HYOU1: variants seen among roughly 807,000 people sequenced by gnomAD.
The protein encoded by HYOU1 is hypoxia up-regulated protein 1.
In HYOU1, 40 loss-of-function variants were observed where a neutral mutation model predicts 120.5. That is an observed-to-expected ratio of 0.33 (90% CI 0.26 to 0.43). The LOEUF is 0.43. Ranked by LOEUF, HYOU1 falls within the 20% of genes least tolerant of loss-of-function variation. The probability of loss-of-function intolerance (pLI) is 1.00; values close to 1 mark genes in which losing one functional copy is unlikely to be tolerated. For missense variants in HYOU1, 1,085 were observed against 1,278.3 expected, an observed-to-expected ratio of 0.85 and a Z score of 2.31; for synonymous variants, 501 against 479.4, an observed-to-expected ratio of 1.05 and a Z score of -0.59.
rs782051553 is a variant in HYOU1 at position 119,045,478 on chromosome 11, G to T, written c.*115C>A. On this transcript the variant is annotated 3_prime_UTR_variant, in exon 26 of 26. Transcript: ENST00000617285. Reference sequence around the variant, plus strand: ...CTCCACACCTCCAAATCACAGGGGTGAGAAAGGAACTCCAGCCGAGGGCAG... The same window carrying T: ...CTCCACACCTCCAAATCACAGGGGTTAGAAAGGAACTCCAGCCGAGGGCAG... 7 of 908,954 alleles carry T rather than the reference G, an allele frequency of 7.7e-6. No homozygotes were observed. Among genetic ancestry groups the T allele is most frequent in the Non-Finnish European group, 1.3e-5 (7 of 544,222 alleles). The allele number at this position is 908,954 out of a possible 1,614,324, so 56.3% of individuals were successfully genotyped here. A position where few individuals can be genotyped will look rare whatever the true frequency, so the allele number is the denominator to read the frequency against.
intron 22 of HYOU1, chr11:119,047,223 A>G (rs1944136878): frequency 1.0e-5 from 2 of 192,500 alleles, no homozygotes; most frequent in Admixed American, 1.1e-4. Flanking sequence ...TAATTTCTGT[A>G]TATTTAGTAG....
Position 119,055,739 on chromosome 11 carries a change from G to A in HYOU1, c.185+11C>T. On this transcript the variant is annotated intron_variant, in intron 3 of 25. Coordinates refer to ENST00000617285, the MANE Select transcript of HYOU1 (RefSeq NM_006389.5). The surrounding 1 kb of genome is among the most constrained non-coding windows in gnomAD (Gnocchi z 4.0). The stretch of plus-strand genomic sequence containing the variant: ...CTCGTTCCCCACCCTTAACACGGGG[G>A]CCACCCTCACTTATTCAAGACAATT... 1.2e-6 allele frequency: 2 copies of A among 1,610,012 alleles called. No individual in the cohort carries two copies. The highest frequency in any genetic ancestry group is 1.7e-6 in the Non-Finnish European group (2 of 1,176,316).
Position 119,052,546 on chromosome 11 carries a change from C to T in HYOU1, c.987+91G>A. 2.5e-6 allele frequency: 4 copies of T among 1,572,714 alleles called. No individual in the cohort carries two copies. The highest frequency in any genetic ancestry group is 1.3e-5 in the African/African-American group (1 of 74,326). On this transcript the variant is annotated intron_variant, in intron 9 of 25. Coordinates refer to ENST00000617285, the MANE Select transcript of HYOU1 (RefSeq NM_006389.5). The surrounding 1 kb of genome is among the most constrained non-coding windows in gnomAD (Gnocchi z 5.0). ...GGATGGTAGCGGGAGGAGCATGGGC[C>T]ATGCCAGGCACGAGCAGCCCAGTTC...
chr11:119,055,122 A>G lies in HYOU1; in HGVS notation c.420-62T>C. ...CAGGCATTAAGGCAGGACAATCAGG[A>G]ACACACACCAATGAGGAGCCCAGCA... On this transcript the variant is annotated intron_variant, in intron 5 of 25. Transcript: ENST00000617285. This position sits in a 1 kb window ranked among gnomAD's most constrained non-coding sequence, Gnocchi z 4.0. The G allele has an allele frequency of 6.2e-7, 1 of 1,613,336 alleles. No homozygotes were observed. The highest frequency in any genetic ancestry group is 8.5e-7 in the Non-Finnish European group (1 of 1,179,462).
chr11:119,051,427 CT>C lies in HYOU1; in HGVS notation c.1526+10del, dbSNP rs2133584925. The C allele has an allele frequency of 1.9e-6, 3 of 1,613,772 alleles. No homozygotes were observed. The highest frequency in any genetic ancestry group is 1.1e-5 in the South Asian group (1 of 91,056). The stretch of plus-strand genomic sequence containing the variant: ...TCCCTGGAGCTCCCATCCTACACCC[CT>C]GCCCCTCACCGAAGATCTTCAGGCC... On this transcript the variant is annotated intron_variant, in intron 13 of 25. Coordinates refer to ENST00000617285, the MANE Select transcript of HYOU1 (RefSeq NM_006389.5). This position sits in a 1 kb window ranked among gnomAD's most constrained non-coding sequence, Gnocchi z 4.2.
rs1308451267 is a variant in HYOU1, at chr11:119,056,054, C to A, written c.91+16G>T. 1.2e-6 allele frequency: 2 copies of A among 1,607,820 alleles called. No homozygotes were observed. The highest frequency in any genetic ancestry group is 1.7e-6 in the Non-Finnish European group (2 of 1,174,438). ...GTCATCATTTATCCATTTGCTCCCTCTACTGGGGTACATACCACTCAGTGC... is the reference window on the plus strand; with the variant it reads ...GTCATCATTTATCCATTTGCTCCCTATACTGGGGTACATACCACTCAGTGC... On this transcript the variant is annotated intron_variant, in intron 2 of 25. Transcript: ENST00000617285.
chr11:119,045,684 C>A, intron 25 of HYOU1, 30 bp from the exon 26 acceptor site: 2 of 1,613,862 alleles, frequency 1.2e-6, no homozygotes, highest in Non-Finnish European at 1.7e-6. Context: ...GCAAAGGAAT[C>A]ACCGCAGGTG....
Position 119,045,641 on chromosome 11 carries a change from T to C in HYOU1, c.2952A>G (p.Lys984=). 6.2e-7 allele frequency: 1 copy of C among 1,614,248 alleles called. No homozygotes were observed. Among genetic ancestry groups the C allele is most frequent in the Non-Finnish European group, 8.5e-7 (1 of 1,180,044 alleles). ...LGGPGAEPEQ[K]EQSTGQKRPL... is the part of the protein sequence containing the mutation. Reference sequence around the variant, plus strand: ...GCCGCTTCTGTCCTGTCGATTGTTCTTTCTGTTCAGGTTCTGTTGGGAGTT... The same window carrying C: ...GCCGCTTCTGTCCTGTCGATTGTTCCTTCTGTTCAGGTTCTGTTGGGAGTT... Residue 984 remains lysine, a synonymous_variant, in exon 26 of 26, where the codon AAA becomes AAG. Coordinates refer to ENST00000617285, the MANE Select transcript of HYOU1 (RefSeq NM_006389.5).
chr11:119,054,145 G>A lies in HYOU1; in HGVS notation c.770C>T (p.Pro257Leu), dbSNP rs1333676786. ...CCCTACTCCCCGGATCTGCAGCTGT[G>A]GCTGCATCCCAGCTTCCTTAGTCTT... ...MVKTKEAGMQ[P>L]QLQIRGVGFD... Residue 257 changes from proline to leucine, a missense_variant, in exon 8 of 26, where the codon CCA becomes CTA. By Grantham distance (98) the Pro-to-Leu change is moderately conservative (BLOSUM62 -3). Around this residue, in one of 4 missense-constraint regions of HYOU1, gnomAD observed 515 missense variants for 677.8 expected, o/e 0.76. Transcript: ENST00000617285. The A allele has an allele frequency of 5.6e-6, 9 of 1,612,384 alleles. No homozygotes were observed. The highest frequency in any genetic ancestry group is 1.7e-5 in the Admixed American group (1 of 60,018).
At chr11:119,054,463 T>A (rs1944633621) in intron 7 of HYOU1, 31 bp downstream of exon 7, 1 of 1,608,406 alleles carries the variant, frequency 6.2e-7, no homozygotes, top group Non-Finnish European at 8.5e-7. Flanking sequence ...TCAGTCACCC[T>A]GCATGTCTGG....
rs2133603151 is a variant in HYOU1, at chr11:119,054,160, T to C, written c.755A>G (p.Glu252Gly). ...IVTYQMVKTK[E>G]AGMQPQLQIR... ...CTGCAGCTGTGGCTGCATCCCAGCT[T>C]CCTTAGTCTTCACCATCTGGTAGGT... The change falls in exon 8 of 26, where the codon GAA (glutamate) becomes GGA (glycine). Residue 252 changes from glutamate to glycine, a missense_variant. Glu to Gly is a moderately conservative substitution (Grantham distance 98). This residue lies in a region of HYOU1 where 515 missense variants were observed against 677.8 expected (regional missense o/e 0.76). Coordinates refer to ENST00000617285, the MANE Select transcript of HYOU1 (RefSeq NM_006389.5). The C allele has an allele frequency of 1.2e-6, 2 of 1,614,052 alleles. No homozygotes were observed. The highest frequency in any genetic ancestry group is 3.3e-5 in the Admixed American group (2 of 60,018).
Position 119,051,103 on chromosome 11 carries a change from C to T in HYOU1, c.1597G>A (p.Asp533Asn), listed in dbSNP as rs2133582598. 13 of 1,614,190 alleles carry T rather than the reference C, an allele frequency of 8.1e-6. No homozygotes were observed. Among genetic ancestry groups the T allele is most frequent in the Middle Eastern group, 1.6e-4 (1 of 6,062 alleles). Residue 533 changes from aspartate (D) to asparagine (N), a missense_variant, in exon 14 of 26, where the codon GAC becomes AAC. Physicochemically the swap from Asp to Asn is conservative, Grantham distance 23. This residue lies in a region of HYOU1 where 515 missense variants were observed against 677.8 expected (regional missense o/e 0.76). Transcript: ENST00000617285. The surrounding 1 kb of genome is among the most constrained non-coding windows in gnomAD (Gnocchi z 4.2). ...GVGDSFKKYP[D>N]YESKGIKAHF... is the part of the protein sequence containing the mutation. ...GCCTTGATGCCCTTGGACTCGTAGT[C>T]AGGATACTTCTTGAAGCTGTCACCC...
At chr11:119,047,556 TA>T in intron 22 of HYOU1, 177 bp downstream of exon 22, 1 of 601,032 alleles carries the variant, frequency 1.7e-6, no homozygotes, top group Non-Finnish European at 3.0e-6. Context: ...TGATGACTCT[TA>T]TGGCCATGGC....
At chr11:119,056,455 T>C (rs566508960) in intron 1 of HYOU1, 1 of 505,966 alleles carries the variant, frequency 2.0e-6, no homozygotes, top group East Asian at 5.2e-5. Context: ...GAGCCTTTTG[T>C]CCACCACACA....
chr11:119,047,813 G>A lies in HYOU1; in HGVS notation c.2516C>T (p.Ala839Val). ...CTGGTCCATCTCTGGGATGAGCCGG[G>A]CCCCCCTGGAAGCCAGAAAGGAGAC... is the stretch of plus-strand genomic sequence containing the variant. Reference protein sequence around the residue: ...LNHSSMFLKGARLIPEMDQIF... With the variant: ...LNHSSMFLKGVRLIPEMDQIF... Residue 839 changes from alanine to valine, a missense_variant, in exon 22 of 26, where the codon GCC becomes GTC. Ala to Val is a moderately conservative substitution (Grantham distance 64, BLOSUM62 0). Transcript: ENST00000617285. The A allele has an allele frequency of 6.2e-7, 1 of 1,613,718 alleles. No homozygotes were observed. The highest frequency in any genetic ancestry group is 8.5e-7 in the Non-Finnish European group (1 of 1,179,930).
chr11:119,052,047 C>G lies in HYOU1; in HGVS notation c.1205+43G>C. 10 of 1,613,844 alleles carry G rather than the reference C, an allele frequency of 6.2e-6. No individual in the cohort carries two copies. The highest frequency in any genetic ancestry group is 8.5e-6 in the Non-Finnish European group (10 of 1,179,812). On this transcript the variant is annotated intron_variant, in intron 11 of 25. Coordinates refer to ENST00000617285, the MANE Select transcript of HYOU1 (RefSeq NM_006389.5). The surrounding 1 kb of genome is among the most constrained non-coding windows in gnomAD (Gnocchi z 5.0). The stretch of plus-strand genomic sequence containing the variant: ...TCCAGCTGCTCAGCCCAAAGCCCTG[C>G]CCCAGGCAGAACTCAGCCAAGCGCT...
In HYOU1 at chr11:119,056,170, G is replaced by A. The variant is rs1264577123; in HGVS notation, c.-7-3C>T. On this transcript the variant is annotated splice_region_variant and splice_polypyrimidine_tract_variant and intron_variant, in intron 1 of 25. Transcript: ENST00000617285. ...TAACTTTGTCTGCCATAGTGCCCCT[G>A]GGGGAGGCGAAGAAAGAAAACACTT... 2 of 1,608,752 alleles carry A rather than the reference G, an allele frequency of 1.2e-6. No homozygotes were observed. Among genetic ancestry groups the A allele is most frequent in the Admixed American group, 3.3e-5 (2 of 59,988 alleles).
chr11:119,054,015 C>T (rs2133602117), intron 8 of HYOU1, 106 bp downstream of exon 8: 8 of 681,934 alleles, frequency 1.2e-5, no homozygotes, highest in Admixed American at 5.1e-5. Context: ...AATCAGGAGA[C>T]CATTCCTGCA....
At chr11:119,056,878 C>G (rs1272953670) in intron 1 of HYOU1, 142 bp downstream of exon 1, 3 of 158,106 alleles carry the variant, frequency 1.9e-5, no homozygotes, top group Admixed American at 1.2e-4. Context: ...AGACCGGGGG[C>G]CGAGCTGCGT....
Sources: allele counts gnomAD v4.1 joint callset, GRCh38; gene constraint gnomAD v4.1.1; regional missense constraint gnomAD v4.1.1; non-coding constraint Gnocchi (gnomAD v3.1); transcripts MANE v1.5; gene names NCBI Gene and HGNC (gene_info 2026-07-23, HGNC 2026-07-21).